Variants in CASS4 observed in about 807,000 individuals in gnomAD.
CASS4 encodes cas scaffolding protein family member 4.
A neutral mutation model predicts 54.2 loss-of-function variants in CASS4; 22 were observed. The observed-to-expected ratio is 0.41, with a 90% confidence interval of 0.29 to 0.58. The LOEUF (loss-of-function observed/expected upper bound fraction) is 0.58. Among genes scored for constraint, CASS4 ranks in the 20% least tolerant of loss-of-function variants. The pLI is 0.36. For missense variants in CASS4, 854 were observed against 986.7 expected (o/e 0.87, Z 1.80); for synonymous variants, 409 against 391.5 (o/e 1.04, Z -0.53).
intron 1 of CASS4, among the ~76,000 whole-genome samples, chr20:56,436,370 A>ATG (rs1297733082): frequency 6.2e-4 from 90 of 146,206 alleles, no homozygotes; most frequent in African/African-American, 2.2e-3. Context: ...GTATATATAT[A>ATG]TATGTATATA....
chr20:56,456,297 C>G (rs1378245247), intron 5 of CASS4, among the ~76,000 whole-genome samples: 1 of 152,146 alleles, frequency 6.6e-6, no homozygotes, highest in Non-Finnish European at 1.5e-5. Flanking sequence ...GTACATTTTT[C>G]ACCTCCCTAC....
At chr20:56,419,515 C>T (rs1979312567) in intron 1 of CASS4, among the ~76,000 whole-genome samples, 1 of 149,732 alleles carries the variant, frequency 6.7e-6, no homozygotes, top group Admixed American at 6.6e-5. Flanking sequence ...GCAACCTCAG[C>T]CTCCTGGCTT....
intron 1 of CASS4, among the ~76,000 whole-genome samples, chr20:56,421,569 G>A (rs1979413227): frequency 6.6e-6 from 1 of 152,114 alleles, no homozygotes; most frequent in South Asian, 2.1e-4. Context: ...GGTGGCTCAT[G>A]CCTGTAGTCC....
In CASS4 at chr20:56,414,454, T is replaced by A. The variant is rs1979033182; in HGVS notation, c.36+1960T>A. On this transcript the variant is annotated intron_variant, in intron 1 of 5. Transcript: ENST00000679887. This position sits in a 1 kb window ranked among gnomAD's most constrained non-coding sequence, Gnocchi z 4.1. ...GTGGGGTTTTGTTATTTAAAAAAAA[T>A]ATTTTTAGCAATGGGGGTATCACTC... is the stretch of plus-strand genomic sequence containing the variant. Among the ~76,000 whole-genome samples, 2 of 152,136 alleles carry A rather than the reference T, an allele frequency of 1.3e-5. No homozygotes were observed. The highest frequency in any genetic ancestry group is 4.1e-4 in the South Asian group (2 of 4,826).
intron 1 of CASS4, among the ~76,000 whole-genome samples, chr20:56,420,537 C>T (rs937047500): frequency 2.0e-5 from 3 of 150,826 alleles, no homozygotes; most frequent in Admixed American, 6.6e-5. Flanking sequence ...TACTGGTGCA[C>T]GCCACCATGC....
chr20:56,429,182 G>A (rs1472143551), intron 1 of CASS4, among the ~76,000 whole-genome samples: 1 of 152,190 alleles, frequency 6.6e-6, no homozygotes, highest in Non-Finnish European at 1.5e-5. Flanking sequence ...CCTGCCTAGA[G>A]CTGCCATGCC....
rs1979855770 is a variant in CASS4, at chr20:56,430,550, G to C, written c.37-6614G>C. On this transcript the variant is annotated intron_variant, in intron 1 of 5. Coordinates refer to ENST00000679887, the MANE Select transcript of CASS4 (RefSeq NM_020356.4). The surrounding 1 kb of genome is among the most constrained non-coding windows in gnomAD (Gnocchi z 4.2). ...GAGTGGCCTCAGCAACCATTGCAAT[G>C]GTTACTGGATGCCTTTGGAGTGGCC... Among the ~76,000 whole-genome samples the C allele has an allele frequency of 6.6e-6, 1 of 152,204 alleles. No individual in the cohort carries two copies. The highest frequency in any genetic ancestry group is 2.4e-5 in the African/African-American group (1 of 41,452).
intron 3 of CASS4, among the ~76,000 whole-genome samples, chr20:56,446,997 T>C (rs918422069): frequency 6.6e-6 from 1 of 152,028 alleles, no homozygotes; most frequent in Non-Finnish European, 1.5e-5. Flanking sequence ...CACTTGACAC[T>C]AGGAGTTCGA....
At chr20:56,427,232 G>T (rs1186658323) in intron 1 of CASS4, among the ~76,000 whole-genome samples, 1 of 146,976 alleles carries the variant, frequency 6.8e-6, no homozygotes. Flanking sequence ...ACAGAATGTT[G>T]TTACCCACCA....
chr20:56,424,086 C>T (rs1224566765), intron 1 of CASS4, among the ~76,000 whole-genome samples: 1 of 152,170 alleles, frequency 6.6e-6, no homozygotes, highest in Non-Finnish European at 1.5e-5. Flanking sequence ...AACTACTTTG[C>T]TAAGTTTTTT....
chr20:56,443,849 C>T (rs1980580773), intron 2 of CASS4, among the ~76,000 whole-genome samples: 1 of 152,170 alleles, frequency 6.6e-6, no homozygotes, highest in Admixed American at 6.5e-5. Flanking sequence ...GGAATCAAGG[C>T]TGCTTCTCTG....
intron 2 of CASS4, among the ~76,000 whole-genome samples, chr20:56,442,436 T>C (rs758669315): frequency 4.0e-5 from 6 of 151,774 alleles, no homozygotes; most frequent in Non-Finnish European, 8.8e-5. Flanking sequence ...TTCTTTCACC[T>C]GACTCTGTGG....
At chr20:56,441,928 T>G (rs1447931345) in intron 2 of CASS4, among the ~76,000 whole-genome samples, 1 of 152,218 alleles carries the variant, frequency 6.6e-6, no homozygotes, top group Non-Finnish European at 1.5e-5. Flanking sequence ...CAGTTACACA[T>G]TTTCTGATCC....
intron 5 of CASS4, among the ~76,000 whole-genome samples, chr20:56,454,054 G>A (rs140730428): frequency 1.4e-4 from 21 of 151,992 alleles, no homozygotes; most frequent in Non-Finnish European, 2.6e-4. Flanking sequence ...GGTGGTGTGC[G>A]CCTGTAATTC....
At chr20:56,451,732 G>T in intron 4 of CASS4, 87 bp from the exon 5 acceptor site, 2 of 938,972 alleles carry the variant, frequency 2.1e-6, no homozygotes, top group Non-Finnish European at 1.6e-6. Context: ...CTGAAGGAGC[G>T]GCGGAGTGAC....
chr20:56,440,305 T>C (rs896980881), intron 2 of CASS4, among the ~76,000 whole-genome samples: 30 of 152,158 alleles, frequency 2.0e-4, no homozygotes, highest in Admixed American at 7.2e-4. Flanking sequence ...TTTGCTGAGG[T>C]TTCTTCTAAG....
chr20:56,446,387 A>G (rs1980713028), intron 3 of CASS4, among the ~76,000 whole-genome samples: 2 of 152,156 alleles, frequency 1.3e-5, no homozygotes, highest in African/African-American at 4.8e-5. Flanking sequence ...CACCGTGCCC[A>G]GCCATTATTT....
chr20:56,445,633 T>G (rs6024881), intron 2 of CASS4, among the ~76,000 whole-genome samples: 17,644 of 152,176 alleles, frequency 0.12, 1,248 homozygotes, highest in Middle Eastern at 0.18. Context: ...CCAAGAATCT[T>G]CATGTTAACC....
rs183034076 is a variant in CASS4 at position 56,413,588 on chromosome 20, G to A, written c.36+1094G>A. ...CTCGGGAGGCTGAGGCACAAGAATC[G>A]CTTGAGCCTGGGAGGCAGAGGTTGC... is the stretch of plus-strand genomic sequence containing the variant. On this transcript the variant is annotated intron_variant, in intron 1 of 5. Transcript: ENST00000679887. Among the ~76,000 whole-genome samples, 505 of 147,212 alleles carry A rather than the reference G, an allele frequency of 3.4e-3. 2 individuals carry two copies. The highest frequency in any genetic ancestry group is 9.1e-3 in the African/African-American group (363 of 39,914).
Sources: allele counts gnomAD v4.1 joint callset (sites outside exome capture counted in the v4.1 genomes callset), GRCh38; gene constraint gnomAD v4.1.1; non-coding constraint Gnocchi (gnomAD v3.1); transcripts MANE v1.5; gene names NCBI Gene and HGNC (gene_info 2026-07-23, HGNC 2026-07-21).